Variants in RSU1 observed in about 807,000 individuals in gnomAD.
RSU1 encodes rsu-1.
A neutral mutation model predicts 31.1 loss-of-function variants in RSU1; 26 were observed. The ratio of observed to expected loss-of-function variants is 0.84; its 90% CI spans 0.61 to 1.16. The LOEUF (loss-of-function observed/expected upper bound fraction) is 1.16, where lower values mean the gene tolerates loss of function less well. Among genes scored for constraint, RSU1 ranks in the 50% most tolerant of loss-of-function variants. The pLI is 0.00. For missense variants in RSU1, 320 were observed against 339.1 expected (o/e 0.94, Z 0.44); for synonymous variants, 164 against 136.3 (o/e 1.20, Z -1.41).
chr10:16,674,399 G>A (rs529507839), intron 8 of RSU1, among the ~76,000 whole-genome samples: 103 of 139,974 alleles, frequency 7.4e-4, no homozygotes, highest in Admixed American at 2.6e-3. Context: ...GTCACGGAAG[G>A]TTTTTTTTTT....
At chr10:16,755,937 G>A (rs1292703851) in intron 4 of RSU1, among the ~76,000 whole-genome samples, 1 of 152,188 alleles carries the variant, frequency 6.6e-6, no homozygotes, top group Non-Finnish European at 1.5e-5. Context: ...CTCCAACGGT[G>A]AAACTTAATC....
chr10:16,631,012 T>C (rs908574394), intron 8 of RSU1, among the ~76,000 whole-genome samples: 3 of 152,252 alleles, frequency 2.0e-5, no homozygotes, highest in African/African-American at 7.2e-5. Context: ...TTAATCTGCA[T>C]TGTTTTCAGT....
intron 8 of RSU1, among the ~76,000 whole-genome samples, chr10:16,663,902 T>G (rs1834936284): frequency 6.6e-6 from 1 of 152,116 alleles, no homozygotes; most frequent in South Asian, 2.1e-4. Context: ...CAGGAGCAGG[T>G]AGTGCCTCTA....
intron 2 of RSU1, among the ~76,000 whole-genome samples, chr10:16,794,667 A>G (rs1837990146): frequency 6.6e-6 from 1 of 152,246 alleles, no homozygotes; most frequent in Non-Finnish European, 1.5e-5. Context: ...GGGCCAGCAG[A>G]ATCAGAACAG....
chr10:16,800,560 AG>A (rs1377117057), intron 2 of RSU1, among the ~76,000 whole-genome samples: 3 of 152,248 alleles, frequency 2.0e-5, no homozygotes, highest in Non-Finnish European at 4.4e-5. Context: ...GAAGAGTAGG[AG>A]AAAAGTAAGA....
chr10:16,767,774 GC>G (rs1214776948), intron 3 of RSU1, among the ~76,000 whole-genome samples: 1 of 152,092 alleles, frequency 6.6e-6, no homozygotes, highest in Non-Finnish European at 1.5e-5. Context: ...AATAGGAGAG[GC>G]ATGTTATTTA....
intron 8 of RSU1, among the ~76,000 whole-genome samples, chr10:16,682,540 A>ACACACACACACG (rs1835346425): frequency 6.9e-6 from 1 of 145,312 alleles, no homozygotes; most frequent in Admixed American, 6.8e-5. Flanking sequence ...ATTCATACAC[A>ACACACACACACG]CACACACACA....
At chr10:16,712,223 AATG>A (rs1268380790) in intron 7 of RSU1, among the ~76,000 whole-genome samples, 19 of 152,186 alleles carry the variant, frequency 1.2e-4, no homozygotes, top group Middle Eastern at 3.4e-3. Context: ...GTTTGTCTTT[AATG>A]ATGATGTGAG....
intron 7 of RSU1, among the ~76,000 whole-genome samples, chr10:16,737,141 GGAGA>G (rs1564338608): frequency 6.6e-6 from 1 of 151,756 alleles, no homozygotes; most frequent in South Asian, 2.1e-4. Flanking sequence ...TTCTAGGAGA[GGAGA>G]GAGAGATGGG....
At chr10:16,644,068 C>T (rs1010045607) in intron 8 of RSU1, among the ~76,000 whole-genome samples, 1 of 151,152 alleles carries the variant, frequency 6.6e-6, no homozygotes, top group African/African-American at 2.4e-5. Context: ...ACTTAAGCAT[C>T]TGCAGATTTT....
intron 8 of RSU1, among the ~76,000 whole-genome samples, chr10:16,631,171 C>A (rs1834239272): frequency 6.6e-6 from 1 of 152,154 alleles, no homozygotes; most frequent in Non-Finnish European, 1.5e-5. Context: ...ATTAATTTGG[C>A]CATCACAGAG....
chr10:16,714,886 G>A (rs911460052), intron 7 of RSU1, among the ~76,000 whole-genome samples: 6 of 152,134 alleles, frequency 3.9e-5, no homozygotes, highest in African/African-American at 7.2e-5. Flanking sequence ...GTGAGCTCCC[G>A]GCTACTCTCC....
intron 4 of RSU1, among the ~76,000 whole-genome samples, chr10:16,757,928 G>A (rs12572152): frequency 0.17 from 25,730 of 152,182 alleles, 2,337 homozygotes; most frequent in African/African-American, 0.22. Flanking sequence ...GGAAATCCAC[G>A]GTTAGACAGG....
At chr10:16,782,338 TGAC>T (rs1285547643) in intron 2 of RSU1, among the ~76,000 whole-genome samples, 2 of 152,222 alleles carry the variant, frequency 1.3e-5, no homozygotes, top group Non-Finnish European at 2.9e-5. Context: ...GAATCCAACA[TGAC>T]GAGGGCCAGT....
At chr10:16,626,771 AG>A (rs535868759) in intron 8 of RSU1, among the ~76,000 whole-genome samples, 54 of 152,324 alleles carry the variant, frequency 3.5e-4, no homozygotes, top group African/African-American at 1.1e-3. Flanking sequence ...TCTATAGGGC[AG>A]TTCATGATCG....
chr10:16,728,803 G>A (rs1836447004), intron 7 of RSU1, among the ~76,000 whole-genome samples: 1 of 152,184 alleles, frequency 6.6e-6, no homozygotes, highest in African/African-American at 2.4e-5. Context: ...GAATGATGTG[G>A]TAGGTTCTGA....
intron 8 of RSU1, among the ~76,000 whole-genome samples, chr10:16,672,577 C>T (rs1239285744): frequency 6.6e-6 from 1 of 151,878 alleles, no homozygotes; most frequent in Admixed American, 6.6e-5. Context: ...GAATGAATGA[C>T]TCTCAAAATA....
At chr10:16,793,901 G>T (rs1331071589) in intron 2 of RSU1, among the ~76,000 whole-genome samples, 1 of 151,674 alleles carries the variant, frequency 6.6e-6, no homozygotes, top group Non-Finnish European at 1.5e-5. Context: ...GTCTGTGAGG[G>T]TGTTTCCAGA....
At chr10:16,782,246 A>T (rs1224737617) in intron 2 of RSU1, among the ~76,000 whole-genome samples, 162 bp from the exon 3 acceptor site, 1 of 152,242 alleles carries the variant, frequency 6.6e-6, no homozygotes, top group Non-Finnish European at 1.5e-5. Flanking sequence ...GATCTATTCA[A>T]TGTTAAACCA....
Sources: allele counts gnomAD v4.1 joint callset (sites outside exome capture counted in the v4.1 genomes callset), GRCh38; gene constraint gnomAD v4.1.1; transcripts MANE v1.5; gene names NCBI Gene and HGNC (gene_info 2026-07-23, HGNC 2026-07-21).